Variants in PAH observed in about 807,000 individuals in gnomAD.
PAH encodes the protein phenylalanine hydroxylase, also known as phenylalanine-4-hydroxylase.
In PAH, 64 loss-of-function variants were observed where a neutral mutation model predicts 62.0. That is an observed-to-expected ratio of 1.03 (90% CI 0.84 to 1.27). The LOEUF (loss-of-function observed/expected upper bound fraction) is 1.27, where lower values mean the gene tolerates loss of function less well. Ranked by LOEUF, PAH falls within the 50% of genes most tolerant of loss-of-function variation. The pLI, the probability that PAH is intolerant of heterozygous loss-of-function variation, is 0.00. For synonymous variants in PAH, 195 were observed against 196.2 expected (o/e 0.99, Z 0.05); for missense variants, 579 against 542.8 (o/e 1.07, Z -0.66).
intron 1 of PAH, among the ~76,000 whole-genome samples, chr12:102,938,349 C>T (rs1879175014): frequency 6.6e-6 from 1 of 152,220 alleles, no homozygotes; most frequent in Non-Finnish European, 1.5e-5. Flanking sequence ...TGGACAACTG[C>T]CTAGAGTCCG....
chr12:102,849,862 G>C (rs555075788), intron 8 of PAH, among the ~76,000 whole-genome samples: 34 of 152,264 alleles, frequency 2.2e-4, no homozygotes, highest in African/African-American at 8.2e-4. Context: ...TGATCAAAAA[G>C]GAATGTTCTC....
intron 5 of PAH, among the ~76,000 whole-genome samples, chr12:102,862,102 G>A (rs997565527): frequency 2.6e-5 from 4 of 151,920 alleles, no homozygotes; most frequent in South Asian, 2.1e-4. Flanking sequence ...ACACATACAC[G>A]CATATGTTCA....
At chr12:102,935,533 T>C (rs879733034) in intron 1 of PAH, among the ~76,000 whole-genome samples, 1 of 152,080 alleles carries the variant, frequency 6.6e-6, no homozygotes, top group Non-Finnish European at 1.5e-5. Flanking sequence ...CCAGGCCTTT[T>C]TTTGCTGGAA....
chr12:102,882,490 G>A (rs1429060733), intron 3 of PAH, among the ~76,000 whole-genome samples: 2 of 152,036 alleles, frequency 1.3e-5, no homozygotes, highest in African/African-American at 2.4e-5. Flanking sequence ...GATGTTAAAT[G>A]AGTTAATATG....
intron 6 of PAH, 86 bp downstream of exon 6, chr12:102,855,050 C>T (rs769461883): frequency 4.6e-6 from 5 of 1,079,564 alleles, no homozygotes; most frequent in Admixed American, 3.4e-5. Flanking sequence ...ATACTTGCCT[C>T]CACATACTTG....
chr12:102,914,293 C>T (rs1468341664), intron 1 of PAH, among the ~76,000 whole-genome samples: 2 of 152,168 alleles, frequency 1.3e-5, no homozygotes, highest in African/African-American at 2.4e-5. Context: ...CCTATATAAA[C>T]ATTTATTTAG....
At position 102,866,456 on chromosome 12, in the gene PAH, C is replaced by T. The variant is rs112222839; in HGVS notation, c.509+140G>A. The stretch of plus-strand genomic sequence containing the variant: ...ACACACCCCCACACACACATACACG[C>T]ATGCACATGAACACATGCACACACA... On this transcript the variant is annotated intron_variant, in intron 5 of 12. Coordinates refer to ENST00000553106, the MANE Select transcript of PAH (RefSeq NM_000277.3). 3.2e-3 allele frequency: 2,394 copies of T among 744,010 alleles called. 27 individuals carry two copies. The highest frequency in any genetic ancestry group is 0.031 in the African/African-American group (1,825 of 57,938). The allele number at this position is 744,010 out of a possible 1,614,324, so 46.1% of individuals were successfully genotyped here.
At chr12:102,932,084 C>G (rs940973395) in intron 1 of PAH, among the ~76,000 whole-genome samples, 1 of 152,136 alleles carries the variant, frequency 6.6e-6, no homozygotes, top group African/African-American at 2.4e-5. Flanking sequence ...CCTCCAATCC[C>G]CCTTCCATTC....
At chr12:102,873,799 A>T (rs944431331) in intron 4 of PAH, among the ~76,000 whole-genome samples, 1 of 152,204 alleles carries the variant, frequency 6.6e-6, no homozygotes, top group Admixed American at 6.5e-5. Flanking sequence ...TTTAGGAAAC[A>T]TTGCATTGAC....
intron 3 of PAH, among the ~76,000 whole-genome samples, chr12:102,887,058 G>A (rs1376251179): frequency 6.6e-6 from 1 of 152,136 alleles, no homozygotes; most frequent in Non-Finnish European, 1.5e-5. Context: ...TAAGGAAAGA[G>A]AGAATTCCTG....
chr12:102,912,897 T>C lies in PAH; in HGVS notation c.62A>G (p.Glu21Gly). The change falls in exon 2 of 13, where the codon GAA (glutamate) becomes GGA (glycine). Residue 21 changes from glutamate to glycine, a missense_variant and splice_region_variant. Transcript: ENST00000553106. ...LGRKLSDFGQ[E>G]TSYIEDNCNQ... ...GCAGTTGTCTTCAATATAGCTTGTT[T>C]CCTACAGGATAAGATGCATTTGTTT... 2.5e-6 allele frequency: 4 copies of C among 1,594,666 alleles called. No individual in the cohort carries two copies. The highest frequency in any genetic ancestry group is 2.2e-5 in the South Asian group (2 of 90,690).
At chr12:102,877,066 A>G (rs1334107330) in intron 4 of PAH, among the ~76,000 whole-genome samples, 1 of 151,968 alleles carries the variant, frequency 6.6e-6, no homozygotes, top group Non-Finnish European at 1.5e-5. Context: ...TTCAGTTTCA[A>G]CGTCGCCACT....
intron 2 of PAH, among the ~76,000 whole-genome samples, chr12:102,897,490 T>TAC (rs1877561619): frequency 3.6e-5 from 5 of 140,386 alleles, no homozygotes; most frequent in African/African-American, 1.5e-4. Flanking sequence ...TATATATATA[T>TAC]ATAATTCAAA....
chr12:102,956,200 T>C (rs1879906642), intron 1 of PAH, among the ~76,000 whole-genome samples: 1 of 152,192 alleles, frequency 6.6e-6, no homozygotes, highest in Non-Finnish European at 1.5e-5. Flanking sequence ...ATCAAATGGA[T>C]GATTGCCCTC....
Position 102,855,119 on chromosome 12 carries a change from C to T in PAH, c.706+17G>A. On this transcript the variant is annotated intron_variant, in intron 6 of 12. Coordinates refer to ENST00000553106, the MANE Select transcript of PAH (RefSeq NM_000277.3). ...CCCCAACTTTCTGCAGGGCCATTGACCCTGATGTGGACTTACTCTGCAGGA... is the reference window on the plus strand; with the variant it reads ...CCCCAACTTTCTGCAGGGCCATTGATCCTGATGTGGACTTACTCTGCAGGA... The T allele has an allele frequency of 6.2e-7, 1 of 1,608,022 alleles. No individual in the cohort carries two copies. Among genetic ancestry groups the T allele is most frequent in the Non-Finnish European group, 8.5e-7 (1 of 1,174,400 alleles).
chr12:102,855,164 C>A lies in PAH; in HGVS notation c.678G>T (p.Gln226His), dbSNP rs62508615. 6.2e-7 allele frequency: 1 copy of A among 1,614,122 alleles called. No individual in the cohort carries two copies. Among genetic ancestry groups the A allele is most frequent in the Admixed American group, 1.7e-5 (1 of 60,028 alleles). Residue 226 changes from glutamine (Q) to histidine (H), a missense_variant, in exon 6 of 13, where the codon CAG (glutamine) becomes CAT (histidine). Coordinates refer to ENST00000553106, the MANE Select transcript of PAH (RefSeq NM_000277.3). Reference sequence around the variant, plus strand: ...GCAGGAACTGAGAAACGTCTTCCAGCTGGGGAATGTTATCTTCATGGAAGC... The same window carrying A: ...GCAGGAACTGAGAAACGTCTTCCAGATGGGGAATGTTATCTTCATGGAAGC... ...YCGFHEDNIP[Q>H]LEDVSQFLQT...
intron 1 of PAH, among the ~76,000 whole-genome samples, chr12:102,949,164 C>T (rs936044884): frequency 1.1e-4 from 17 of 152,298 alleles, no homozygotes; most frequent in Admixed American, 7.2e-4. Context: ...TGGTGAGTTT[C>T]ATCCGTTTGC....
chr12:102,904,646 C>T (rs1877898263), intron 2 of PAH: 1 of 386,586 alleles, frequency 2.6e-6, no homozygotes, highest in African/African-American at 2.1e-5. Context: ...AAAGTATAGT[C>T]TAGATTATTT....
chr12:102,889,820 C>T (rs1265676122), intron 3 of PAH, among the ~76,000 whole-genome samples: 1 of 152,222 alleles, frequency 6.6e-6, no homozygotes, highest in African/African-American at 2.4e-5. Flanking sequence ...TAGGAATTTT[C>T]TAGCCCCCAC....
Sources: allele counts gnomAD v4.1 joint callset (sites outside exome capture counted in the v4.1 genomes callset), GRCh38; gene constraint gnomAD v4.1.1; transcripts MANE v1.5; gene names NCBI Gene and HGNC (gene_info 2026-07-23, HGNC 2026-07-21).